Variants in HS2ST1 observed in about 807,000 individuals in gnomAD.
HS2ST1 encodes the protein 2-O-sulfotransferase.
Under a neutral mutation model 42.9 loss-of-function variants are expected in HS2ST1, and 18 were observed. The observed-to-expected ratio is 0.42, with a 90% CI of 0.29 to 0.62. The LOEUF (loss-of-function observed/expected upper bound fraction) is 0.62. Among genes scored for constraint, HS2ST1 ranks in the 20% least tolerant of loss-of-function variants. The probability of loss-of-function intolerance (pLI) is 0.21; values close to 1 mark genes in which losing one functional copy is unlikely to be tolerated. For synonymous variants in HS2ST1, 146 were observed against 152.9 expected, an observed-to-expected ratio of 0.95 and a Z score of 0.33; for missense variants, 334 against 433.8, an observed-to-expected ratio of 0.77 and a Z score of 2.04.
chr1:87,023,263 C>T (rs761571509), intron 1 of HS2ST1, among the ~76,000 whole-genome samples: 5 of 151,932 alleles, frequency 3.3e-5, no homozygotes, highest in African/African-American at 7.2e-5. Context: ...AGATAAATAA[C>T]GACTTATGCA....
chr1:87,095,185 A>C (rs1652032571), intron 4 of HS2ST1, among the ~76,000 whole-genome samples: 1 of 152,186 alleles, frequency 6.6e-6, no homozygotes, highest in African/African-American at 2.4e-5. Context: ...GACTGCATAC[A>C]TATAACATTT....
chr1:86,930,478 T>G, intron 1 of HS2ST1, among the ~76,000 whole-genome samples: 1 of 151,948 alleles, frequency 6.6e-6, no homozygotes, highest in Admixed American at 6.6e-5. Context: ...TAATACCCCA[T>G]AGGTGGAAAC....
At chr1:86,944,015 ACT>A (rs1265464299) in intron 1 of HS2ST1, among the ~76,000 whole-genome samples, 1 of 145,650 alleles carries the variant, frequency 6.9e-6, no homozygotes, top group Non-Finnish European at 1.5e-5. Flanking sequence ...AACGAGTGAA[ACT>A]CTGTCTCAAA....
intron 1 of HS2ST1, among the ~76,000 whole-genome samples, chr1:86,976,937 A>G (rs912071837): frequency 2.6e-5 from 4 of 151,448 alleles, no homozygotes. Flanking sequence ...TTGTAGTCCT[A>G]GCTACTTGAG....
chr1:87,000,565 A>G (rs867659355), intron 1 of HS2ST1, among the ~76,000 whole-genome samples: 2 of 152,196 alleles, frequency 1.3e-5, no homozygotes, highest in African/African-American at 4.8e-5. Context: ...TTTTAACGCA[A>G]AAGACTTCCT....
chr1:86,915,257 C>A, intron 1 of HS2ST1, 97 bp downstream of exon 1: 2 of 1,392,622 alleles, frequency 1.4e-6, no homozygotes, highest in Non-Finnish European at 1.9e-6. Context: ...TGGGGTCTGG[C>A]TCGGGGGCTG....
Position 87,073,138 on chromosome 1 carries a change from C to G in HS2ST1, c.329C>G (p.Thr110Ser), listed in dbSNP as rs759589257. 1.2e-6 allele frequency: 2 copies of G among 1,611,802 alleles called. No individual in the cohort carries two copies. The highest frequency in any genetic ancestry group is 2.7e-5 in the African/African-American group (2 of 74,864). Residue 110 changes from threonine (T) to serine (S), a missense_variant, in exon 2 of 7, where the codon ACC becomes AGC. Physicochemically the swap from Thr to Ser is moderately conservative, Grantham distance 58 (BLOSUM62 1). Transcript: ENST00000370550. ...NKYHVLHINT[T>S]KNNPVMSLQD... is the part of the protein sequence containing the mutation. ...TACCATGTCCTTCATATCAACACTA[C>G]CAAAAATAATCCAGTGATGTCATTG...
At chr1:87,029,028 T>C (rs1650163664) in intron 1 of HS2ST1, among the ~76,000 whole-genome samples, 1 of 152,156 alleles carries the variant, frequency 6.6e-6, no homozygotes, top group Non-Finnish European at 1.5e-5. Context: ...GTTATCTTTT[T>C]ATCTTAATAT....
At chr1:87,084,160 A>G (rs1423431729) in intron 2 of HS2ST1, 34 bp from the exon 3 acceptor site, 1 of 1,288,156 alleles carries the variant, frequency 7.8e-7, no homozygotes, top group Non-Finnish European at 1.1e-6. Context: ...ATTTTCTTTA[A>G]ATTGTATATA....
chr1:87,004,612 A>G (rs553553673), intron 1 of HS2ST1, among the ~76,000 whole-genome samples: 1 of 152,318 alleles, frequency 6.6e-6, no homozygotes, highest in Admixed American at 6.5e-5. Context: ...GAAGAATGAC[A>G]AAGTAAAATT....
At chr1:87,072,052 A>G (rs563196633) in intron 1 of HS2ST1, among the ~76,000 whole-genome samples, 1 of 152,172 alleles carries the variant, frequency 6.6e-6, no homozygotes, top group Non-Finnish European at 1.5e-5. Context: ...AGATATTTGA[A>G]TATATATATT....
chr1:87,040,004 C>G (rs184763684), intron 1 of HS2ST1, among the ~76,000 whole-genome samples: 23 of 152,186 alleles, frequency 1.5e-4, no homozygotes, highest in East Asian at 9.6e-4. Context: ...GAATGTTGTT[C>G]TTCTTACTAT....
chr1:87,098,938 T>G (rs1652134735), intron 5 of HS2ST1, among the ~76,000 whole-genome samples: 1 of 152,080 alleles, frequency 6.6e-6, no homozygotes, highest in Non-Finnish European at 1.5e-5. Context: ...TGCACTACCC[T>G]GGCTAATTTT....
chr1:86,970,540 A>G (rs559311243), intron 1 of HS2ST1, among the ~76,000 whole-genome samples: 54 of 152,192 alleles, frequency 3.5e-4, no homozygotes, highest in African/African-American at 1.2e-3. Context: ...TGCTGGGACT[A>G]CAGGCGTGCA....
At chr1:86,935,412 ATCT>A (rs72118006) in intron 1 of HS2ST1, among the ~76,000 whole-genome samples, 3,275 of 125,556 alleles carry the variant, frequency 0.026, 65 homozygotes, top group African/African-American at 0.057. Flanking sequence ...GTTGACTCAG[ATCT>A]TCTTTTATGT....
At chr1:87,014,284 A>C (rs1649686738) in intron 1 of HS2ST1, among the ~76,000 whole-genome samples, 1 of 152,214 alleles carries the variant, frequency 6.6e-6, no homozygotes, top group East Asian at 1.9e-4. Context: ...GGTGAAGGTG[A>C]AGCAAGACAT....
chr1:86,993,160 C>G, intron 1 of HS2ST1: 2 of 1,588,380 alleles, frequency 1.3e-6, no homozygotes, highest in Non-Finnish European at 1.7e-6. Context: ...GTCCTAAACC[C>G]TCATCAACTG....
intron 1 of HS2ST1, among the ~76,000 whole-genome samples, chr1:86,958,973 TAAA>T (rs1647748993): frequency 6.6e-6 from 1 of 152,190 alleles, no homozygotes; most frequent in Admixed American, 6.5e-5. Flanking sequence ...ATCCACAGTC[TAAA>T]TAAGAAAAAT....
intron 1 of HS2ST1, among the ~76,000 whole-genome samples, chr1:87,036,180 A>G (rs1052806818): frequency 6.6e-6 from 1 of 152,150 alleles, no homozygotes; most frequent in African/African-American, 2.4e-5. Context: ...TATGTGCCAC[A>G]GTTTCTTTAT....
Sources: gnomAD v4.1 joint callset for allele counts (sites outside exome capture counted in the v4.1 genomes callset) on GRCh38, gnomAD v4.1.1 for gene constraint, MANE v1.5 for transcripts, NCBI Gene and HGNC (gene_info 2026-07-23, HGNC 2026-07-21) for gene names.